The following HIBCH variants were observed in gnomAD, a reference collection of about 807,000 sequenced individuals.
The protein encoded by HIBCH is 3-hydroxyisobutyryl-CoA hydrolase, mitochondrial.
Under a neutral mutation model 58.2 loss-of-function variants are expected in HIBCH, and 50 were observed. That is an observed-to-expected ratio of 0.86 (90% CI 0.68 to 1.09). The LOEUF (loss-of-function observed/expected upper bound fraction) is 1.09, where lower values mean the gene tolerates loss of function less well. Ranked by LOEUF, HIBCH falls within the 50% of genes least tolerant of loss-of-function variation. The pLI is 0.00. For missense variants in HIBCH, 450 were observed against 449.7 expected, an observed-to-expected ratio of 1.00 and a Z score of -0.01; for synonymous variants, 151 against 146.9, an observed-to-expected ratio of 1.03 and a Z score of -0.20.
chr2:190,193,742 A>G (rs1417940437), intron 1 of HIBCH, among the ~76,000 whole-genome samples: 8 of 152,174 alleles, frequency 5.3e-5, no homozygotes, highest in African/African-American at 7.2e-5. Context: ...AGATGTATCT[A>G]TTAGATCTTT....
intron 3 of HIBCH, among the ~76,000 whole-genome samples, chr2:190,296,187 G>A (rs921693867): frequency 1.3e-5 from 2 of 152,148 alleles, no homozygotes; most frequent in Non-Finnish European, 2.9e-5. Context: ...TTGGGAGGCC[G>A]AGGCAGATAG....
At chr2:190,295,525 T>C (rs950064224) in intron 3 of HIBCH, among the ~76,000 whole-genome samples, 1 of 152,242 alleles carries the variant, frequency 6.6e-6, no homozygotes, top group Non-Finnish European at 1.5e-5. Context: ...TGTTGATGCT[T>C]AAAGAGTTTT....
At chr2:190,233,538 C>A (rs1261492772) in intron 11 of HIBCH, among the ~76,000 whole-genome samples, 10 of 152,330 alleles carry the variant, frequency 6.6e-5, no homozygotes, top group Admixed American at 6.5e-5. Context: ...GAGGCCTCCC[C>A]AGCCTCAATG....
In HIBCH at chr2:190,306,752, G is replaced by T. The variant is rs146602133; in HGVS notation, c.78+4002C>A. On this transcript the variant is annotated intron_variant, in intron 2 of 13. Transcript: ENST00000359678. The surrounding 1 kb of genome is among the most constrained non-coding windows in gnomAD (Gnocchi z 4.6). ...GAATGCTTGCATCCTTCCAAAATTT[G>T]TATGTTGAAATCCTAACCTCCAAGG... 2.6e-5 allele frequency among the ~76,000 whole-genome samples: 4 copies of T among 152,278 alleles called. No homozygotes were observed. Among genetic ancestry groups the T allele is most frequent in the Non-Finnish European group, 5.9e-5 (4 of 68,018 alleles).
chr2:190,303,159 G>A (rs903432127), intron 2 of HIBCH, among the ~76,000 whole-genome samples: 11 of 152,114 alleles, frequency 7.2e-5, no homozygotes, highest in Admixed American at 1.3e-4. Context: ...TACAGAAAAA[G>A]TACAGAAACA....
chr2:190,252,448 C>T, intron 7 of HIBCH, 141 bp from the exon 8 acceptor site: 1 of 731,702 alleles, frequency 1.4e-6, no homozygotes, highest in Non-Finnish European at 2.4e-6. Flanking sequence ...AAGTACTATA[C>T]ACTGCAATCA....
Position 190,204,512 on chromosome 2 carries a change from T to C in HIBCH, c.*605A>G, listed in dbSNP as rs143748300. ...CTCTGCCCAAGGTTTCTAATGTTTA[T>C]AAAAGGAGCTCTTCTGCTACAGTAA... On this transcript the variant is annotated 3_prime_UTR_variant, in exon 14 of 14. Transcript: ENST00000359678. The C allele has an allele frequency of 0.019, 2,854 of 152,394 alleles. 38 individuals carry two copies. The highest frequency in any genetic ancestry group is 0.03 in the Non-Finnish European group (2,022 of 68,108). 9.4% of individuals were successfully genotyped at this position (152,394 alleles called of 1,614,324 possible).
intron 11 of HIBCH, among the ~76,000 whole-genome samples, chr2:190,242,085 T>C (rs1464003446): frequency 1.3e-5 from 2 of 152,196 alleles, no homozygotes; most frequent in African/African-American, 4.8e-5. Flanking sequence ...CTCCCGTCAC[T>C]TTCAGATACA....
At position 190,214,619 on chromosome 2, in the gene HIBCH, C is replaced by T. The variant is rs924764195; in HGVS notation, c.892-1544G>A. 3 of 152,138 alleles carry T rather than the reference C, an allele frequency of 2.0e-5. No homozygotes were observed. The highest frequency in any genetic ancestry group is 4.8e-5 in the African/African-American group (2 of 41,422). 9.4% of individuals were successfully genotyped at this position (152,138 alleles called of 1,614,324 possible). A position where few individuals can be genotyped will look rare whatever the true frequency, so the allele number is the denominator to read the frequency against. Reference sequence around the variant, plus strand: ...GGGTGTGCCAAGCTTTAATTCTCTACGTGAATGATAAAACCCATACTCACA... The same window carrying T: ...GGGTGTGCCAAGCTTTAATTCTCTATGTGAATGATAAAACCCATACTCACA... On this transcript the variant is annotated intron_variant, in intron 11 of 13. Coordinates refer to ENST00000359678, the MANE Select transcript of HIBCH (RefSeq NM_014362.4). This position sits in a 1 kb window ranked among gnomAD's most constrained non-coding sequence, Gnocchi z 5.5.
chr2:190,233,351 G>C (rs560350363), intron 11 of HIBCH, among the ~76,000 whole-genome samples: 203 of 152,236 alleles, frequency 1.3e-3, no homozygotes, highest in Non-Finnish European at 1.1e-3. Flanking sequence ...AAATTCCCAC[G>C]TGTTGTGAGA....
Position 190,211,068 on chromosome 2 carries a change from T to TTTAACTCCC in HIBCH, c.1011+1887_1011+1888insGGGAGTTAA, listed in dbSNP as rs1244392185. On this transcript the variant is annotated intron_variant, in intron 12 of 13. Transcript: ENST00000359678. This position sits in a 1 kb window ranked among gnomAD's most constrained non-coding sequence, Gnocchi z 5.0. ...TTATCCTACTCCCTACTCCCCAAGATAATGATTTAAACTGTTTTCTGCCTT... is the reference window on the plus strand; with the variant it reads ...TTATCCTACTCCCTACTCCCCAAGATTTAACTCCCAATGATTTAAACTGTTTTCTGCCTT... Among the ~76,000 whole-genome samples the TTTAACTCCC allele has an allele frequency of 1.3e-5, 2 of 152,198 alleles. No homozygotes were observed. Among genetic ancestry groups the TTTAACTCCC allele is most frequent in the Non-Finnish European group, 2.9e-5 (2 of 68,036 alleles).
downstream of HIBCH, chr2:190,199,599 C>T: frequency 1.7e-6 from 1 of 590,290 alleles, no homozygotes; most frequent in Non-Finnish European, 2.5e-6. Context: ...AGATTTCTTC[C>T]ATGTGACCAA....
At chr2:190,233,524 T>C (rs1218915139) in intron 11 of HIBCH, among the ~76,000 whole-genome samples, 1 of 152,242 alleles carries the variant, frequency 6.6e-6, no homozygotes, top group African/African-American at 2.4e-5. Context: ...TCTGCCATAA[T>C]TTTGAGGCCT....
chr2:190,246,007 AAG>A, intron 10 of HIBCH, 145 bp downstream of exon 10: 2 of 556,978 alleles, frequency 3.6e-6, no homozygotes, highest in African/African-American at 1.9e-5. Flanking sequence ...AAAAAAAAAA[AAG>A]GAAGGAAAGC....
chr2:190,217,552 CT>C lies in HIBCH; in HGVS notation c.892-4478del, dbSNP rs1420201938. On this transcript the variant is annotated intron_variant, in intron 11 of 13. Transcript: ENST00000359678. The surrounding 1 kb of genome is among the most constrained non-coding windows in gnomAD (Gnocchi z 4.6). ...GCCATATTTAAGCAGGACTACTAAC[CT>C]TTCTACTATGAAAATCAAAGACCAA... Among the ~76,000 whole-genome samples, 1 of 152,168 alleles carries C rather than the reference CT, an allele frequency of 6.6e-6. No individual in the cohort carries two copies. Among genetic ancestry groups the C allele is most frequent in the African/African-American group, 2.4e-5 (1 of 41,432 alleles).
intron 11 of HIBCH, among the ~76,000 whole-genome samples, chr2:190,223,273 AAAAT>A (rs1250188834): frequency 1.3e-5 from 2 of 152,186 alleles, no homozygotes; most frequent in South Asian, 2.1e-4. Flanking sequence ...GTATAATAAA[AAAAT>A]AAATAAGAGA....
intron 2 of HIBCH, among the ~76,000 whole-genome samples, chr2:190,307,546 G>T (rs1019184633): frequency 3.3e-5 from 5 of 152,044 alleles, no homozygotes; most frequent in Non-Finnish European, 5.9e-5. Flanking sequence ...GTTCATACCT[G>T]CAGTCCTAGC....
intron 11 of HIBCH, among the ~76,000 whole-genome samples, chr2:190,235,553 T>C (rs1215508340): frequency 6.6e-6 from 1 of 152,226 alleles, no homozygotes; most frequent in Non-Finnish European, 1.5e-5. Flanking sequence ...TCTTAAAATA[T>C]GCATACTCAG....
intron 1 of HIBCH, among the ~76,000 whole-genome samples, chr2:190,312,807 C>G (rs1195258525): frequency 1.3e-5 from 2 of 152,176 alleles, no homozygotes; most frequent in Non-Finnish European, 2.9e-5. Context: ...TTAGAATCAC[C>G]TGGAGACTCG....
Sources: allele counts gnomAD v4.1 joint callset (sites outside exome capture counted in the v4.1 genomes callset), GRCh38; gene constraint gnomAD v4.1.1; non-coding constraint Gnocchi (gnomAD v3.1); transcripts MANE v1.5; gene names NCBI Gene and HGNC (gene_info 2026-07-23, HGNC 2026-07-21).